Variants in PDE4D observed in about 807,000 individuals in gnomAD.
The protein encoded by PDE4D is 3',5'-cyclic-AMP phosphodiesterase 4D.
Under a neutral mutation model 87.4 loss-of-function variants are expected in PDE4D, and 24 were observed. The observed-to-expected ratio is 0.27, with a 90% CI of 0.20 to 0.39. The LOEUF is 0.39. Ranked by LOEUF, PDE4D falls within the 10% of genes least tolerant of loss-of-function variation. The pLI, the probability that PDE4D is intolerant of heterozygous loss-of-function variation, is 1.00. For missense variants in PDE4D, 714 were observed against 1,041.0 expected (o/e 0.69, Z 4.32); for synonymous variants, 384 against 383.2 (o/e 1.00, Z -0.02).
intron 1 of PDE4D, among the ~76,000 whole-genome samples, chr5:59,438,446 T>C (rs892418037): frequency 6.6e-6 from 1 of 152,214 alleles, no homozygotes; most frequent in African/African-American, 2.4e-5. Flanking sequence ...TATGTGTCTC[T>C]GAAAATAGTA....
intron 5 of PDE4D, among the ~76,000 whole-genome samples, chr5:59,143,343 A>T (rs902849282): frequency 6.6e-6 from 1 of 152,202 alleles, no homozygotes; most frequent in Admixed American, 6.5e-5. Flanking sequence ...TTTTGAAGAA[A>T]ACAAAAATTA....
intron 1 of PDE4D, among the ~76,000 whole-genome samples, chr5:60,375,819 T>C (rs1761385636): frequency 6.6e-6 from 1 of 152,150 alleles, no homozygotes; most frequent in African/African-American, 2.4e-5. Context: ...GGTGGGCAGA[T>C]CATGAGGTCA....
intron 2 of PDE4D, among the ~76,000 whole-genome samples, chr5:60,038,658 A>G (rs1464802592): frequency 1.3e-5 from 2 of 152,112 alleles, no homozygotes; most frequent in African/African-American, 4.8e-5. Flanking sequence ...CAACCTACAA[A>G]ATGGGAGAAA....
intron 11 of PDE4D, among the ~76,000 whole-genome samples, chr5:58,984,343 C>G (rs1745923988): frequency 6.6e-6 from 1 of 152,214 alleles, no homozygotes; most frequent in Non-Finnish European, 1.5e-5. Context: ...CCTTTTCTAG[C>G]AGAATGCCAG....
At chr5:60,474,901 C>G (rs1012363268) in intron 1 of PDE4D, among the ~76,000 whole-genome samples, 1 of 152,110 alleles carries the variant, frequency 6.6e-6, no homozygotes, top group Non-Finnish European at 1.5e-5. Context: ...CTGCTGGCAG[C>G]GAAAGGATGT....
At chr5:59,148,822 A>C (rs1779063073) in intron 5 of PDE4D, among the ~76,000 whole-genome samples, 1 of 151,120 alleles carries the variant, frequency 6.6e-6, no homozygotes, top group Non-Finnish European at 1.5e-5. Flanking sequence ...CATTTTAAAA[A>C]ATTGATTCTG....
intron 6 of PDE4D, among the ~76,000 whole-genome samples, chr5:59,037,948 G>A (rs369963838): frequency 4.6e-5 from 7 of 152,032 alleles, no homozygotes; most frequent in Non-Finnish European, 7.4e-5. Context: ...ATATCTTGAC[G>A]AGGCAACTAT....
intron 1 of PDE4D, among the ~76,000 whole-genome samples, chr5:59,879,191 C>T (rs1749080117): frequency 6.6e-6 from 1 of 152,098 alleles, no homozygotes; most frequent in Non-Finnish European, 1.5e-5. Flanking sequence ...TGAGCCACCG[C>T]GCCCGGCCCT....
At chr5:59,535,703 C>T (rs1235058247) in intron 1 of PDE4D, among the ~76,000 whole-genome samples, 2 of 152,162 alleles carry the variant, frequency 1.3e-5, no homozygotes, top group African/African-American at 4.8e-5. Flanking sequence ...CTATAAAACA[C>T]TATCTGCCAC....
chr5:60,067,940 A>G (rs753973121), intron 2 of PDE4D, among the ~76,000 whole-genome samples: 1 of 152,174 alleles, frequency 6.6e-6, no homozygotes, highest in African/African-American at 2.4e-5. Flanking sequence ...TCCACTATTT[A>G]TATACCATAT....
chr5:59,747,988 A>G (rs1759875450), intron 1 of PDE4D, among the ~76,000 whole-genome samples: 1 of 152,072 alleles, frequency 6.6e-6, no homozygotes, highest in Admixed American at 6.6e-5. Flanking sequence ...TTTTCTTCCT[A>G]TCCCCTCCAA....
intron 1 of PDE4D, among the ~76,000 whole-genome samples, chr5:59,467,962 G>GT (rs10549903): frequency 9.9e-5 from 15 of 150,938 alleles, no homozygotes; most frequent in East Asian, 3.9e-4. Flanking sequence ...AAAAATACTG[G>GT]TTTTTTTTTC....
intron 1 of PDE4D, among the ~76,000 whole-genome samples, chr5:59,327,818 A>G (rs2153575171): frequency 6.6e-6 from 1 of 152,328 alleles, no homozygotes; most frequent in East Asian, 1.9e-4. Flanking sequence ...CAGAACTGCT[A>G]CAAACTGGTG....
intron 1 of PDE4D, among the ~76,000 whole-genome samples, chr5:59,394,548 C>T (rs912477271): frequency 6.6e-6 from 1 of 152,100 alleles, no homozygotes; most frequent in Non-Finnish European, 1.5e-5. Context: ...GAAATGAACA[C>T]AAAAGTTAAT....
At chr5:59,667,931 A>G (rs565541340) in intron 1 of PDE4D, among the ~76,000 whole-genome samples, 1 of 152,322 alleles carries the variant, frequency 6.6e-6, no homozygotes, top group African/African-American at 2.4e-5. Flanking sequence ...ATTTTCTCCA[A>G]GTTGTACCAT....
chr5:60,376,673 C>A (rs1313445895), intron 1 of PDE4D, among the ~76,000 whole-genome samples: 2 of 152,194 alleles, frequency 1.3e-5, no homozygotes, highest in Non-Finnish European at 2.9e-5. Context: ...TCTTCATCGG[C>A]ATCTCTGGTC....
chr5:59,691,123 G>A (rs757899912), intron 1 of PDE4D, among the ~76,000 whole-genome samples: 4 of 152,128 alleles, frequency 2.6e-5, no homozygotes, highest in Non-Finnish European at 5.9e-5. Context: ...ACTGTTGGTG[G>A]GACTGTAAAC....
intron 1 of PDE4D, among the ~76,000 whole-genome samples, chr5:60,473,210 G>T (rs702559): frequency 0.11 from 15,616 of 144,174 alleles, 1,067 homozygotes; most frequent in East Asian, 0.36. Context: ...AGAAAGAAAA[G>T]AAAGAGAAAG....
At chr5:59,875,245 A>G (rs905631341) in intron 1 of PDE4D, among the ~76,000 whole-genome samples, 66 of 151,990 alleles carry the variant, frequency 4.3e-4, no homozygotes, top group Non-Finnish European at 4.1e-4. Flanking sequence ...GCGGATCACG[A>G]GGTCAAGAGA....
Sources: gnomAD v4.1 joint callset for allele counts (sites outside exome capture counted in the v4.1 genomes callset) on GRCh38, gnomAD v4.1.1 for gene constraint, MANE v1.5 for transcripts, NCBI Gene and HGNC (gene_info 2026-07-23, HGNC 2026-07-21) for gene names.